STXBP5L: variants seen among roughly 807,000 people sequenced by gnomAD.
The protein encoded by STXBP5L is syntaxin binding protein 5L, also known as syntaxin-binding protein 5-like.
In STXBP5L, 65 loss-of-function variants were observed where a neutral mutation model predicts 144.5. That is an observed-to-expected ratio of 0.45 (90% confidence interval 0.37 to 0.55). STXBP5L has a LOEUF of 0.55. STXBP5L is among the 20% of genes least tolerant of loss of function. The pLI, the probability that STXBP5L is intolerant of heterozygous loss-of-function variation, is 0.00. For missense variants in STXBP5L, 1,298 were observed against 1,405.5 expected, an observed-to-expected ratio of 0.92 and a Z score of 1.22; for synonymous variants, 505 against 469.6, an observed-to-expected ratio of 1.08 and a Z score of -0.97.
At chr3:121,087,713 T>C (rs111976036) in intron 5 of STXBP5L, among the ~76,000 whole-genome samples, 2 of 152,058 alleles carry the variant, frequency 1.3e-5, no homozygotes, top group African/African-American at 4.8e-5. Flanking sequence ...TTTTTTGTTT[T>C]TTGGTTGTTC....
chr3:121,128,409 T>C (rs1442292604), intron 7 of STXBP5L, among the ~76,000 whole-genome samples: 1 of 152,098 alleles, frequency 6.6e-6, no homozygotes, highest in Non-Finnish European at 1.5e-5. Context: ...CAACTCACCT[T>C]TTGACTGTGT....
At chr3:120,977,739 G>A (rs1278248200) in intron 3 of STXBP5L, among the ~76,000 whole-genome samples, 1 of 152,098 alleles carries the variant, frequency 6.6e-6, no homozygotes, top group Non-Finnish European at 1.5e-5. Flanking sequence ...GGGCAGGCCT[G>A]GTGGTGACAA....
chr3:120,957,085 C>T (rs1269582343), intron 3 of STXBP5L, among the ~76,000 whole-genome samples: 1 of 151,880 alleles, frequency 6.6e-6, no homozygotes, highest in Non-Finnish European at 1.5e-5. Context: ...ACTGTCTTAT[C>T]CATTGAATGG....
At chr3:120,935,340 C>G (rs1380669343) in intron 2 of STXBP5L, among the ~76,000 whole-genome samples, 1 of 151,280 alleles carries the variant, frequency 6.6e-6, no homozygotes, top group Non-Finnish European at 1.5e-5. Context: ...TTTACTTATC[C>G]ATAGGTTATA....
At position 121,157,716 on chromosome 3, in the gene STXBP5L, A is replaced by G. The variant is rs923357951; in HGVS notation, c.877+89A>G. 4.0e-5 allele frequency: 61 copies of G among 1,509,342 alleles called. No individual in the cohort carries two copies. In the African/African-American group the frequency reaches 8.0e-4, roughly 20 times the overall value. 93.5% of individuals were successfully genotyped at this position (1,509,342 alleles called of 1,614,324 possible). On this transcript the variant is annotated intron_variant, in intron 9 of 26. Transcript: ENST00000471454. ...GAGATGGTATTAATGCGTTTGGTAGAAAAAAGTAATAGGACATAGCTTCTG... is the reference window on the plus strand; with the variant it reads ...GAGATGGTATTAATGCGTTTGGTAGGAAAAAGTAATAGGACATAGCTTCTG...
chr3:121,213,213 G>T (rs531865520), intron 10 of STXBP5L, among the ~76,000 whole-genome samples: 2 of 152,142 alleles, frequency 1.3e-5, no homozygotes, highest in South Asian at 4.2e-4. Context: ...TCTTTCTCTT[G>T]CCTGATTGCC....
At chr3:121,352,784 T>A (rs1390549793) in intron 20 of STXBP5L, among the ~76,000 whole-genome samples, 3 of 152,074 alleles carry the variant, frequency 2.0e-5, no homozygotes, top group African/African-American at 7.2e-5. Flanking sequence ...ATGCTTCCAA[T>A]TTTTGCTCAT....
chr3:121,133,514 G>T (rs1328215269), intron 7 of STXBP5L, among the ~76,000 whole-genome samples: 1 of 152,106 alleles, frequency 6.6e-6, no homozygotes, highest in African/African-American at 2.4e-5. Context: ...TGTCCATCAA[G>T]AATAGTATAT....
chr3:121,332,205 AC>A (rs2044342097), intron 20 of STXBP5L, among the ~76,000 whole-genome samples: 1 of 151,982 alleles, frequency 6.6e-6, no homozygotes. Context: ...ATACTGTAGT[AC>A]CCCCAAAAGA....
Position 121,418,432 on chromosome 3 carries a change from G to T in STXBP5L, c.3322G>T (p.Val1108Leu). ...IEGMKGAAGG[V>L]MGELTRARIA... ...AGGGATGAAAGGCGCTGCTGGAGGG[G>T]TGATGGGAGAGCTGACCCGTGCACG... is the stretch of plus-strand genomic sequence containing the variant. Residue 1108 changes from valine to leucine, a missense_variant, in exon 26 of 27, where the codon GTG (valine) becomes TTG (leucine). Coordinates refer to ENST00000471454, the MANE Select transcript of STXBP5L (RefSeq NM_001308330.2). 1.9e-6 allele frequency: 3 copies of T among 1,614,102 alleles called. No individual in the cohort carries two copies. The highest frequency in any genetic ancestry group is 1.7e-6 in the Non-Finnish European group (2 of 1,179,982).
intron 2 of STXBP5L, among the ~76,000 whole-genome samples, chr3:120,949,191 A>AT (rs1711042266): frequency 6.6e-6 from 1 of 151,756 alleles, no homozygotes; most frequent in Non-Finnish European, 1.5e-5. Flanking sequence ...TTTGTTGACC[A>AT]TTTGTGTATC....
intron 22 of STXBP5L, among the ~76,000 whole-genome samples, chr3:121,402,416 A>G (rs560919614): frequency 6.6e-6 from 1 of 152,282 alleles, no homozygotes; most frequent in South Asian, 2.1e-4. Flanking sequence ...CCTCACTGGA[A>G]CCTTAATCTA....
intron 9 of STXBP5L, among the ~76,000 whole-genome samples, chr3:121,199,694 G>C (rs1440098750): frequency 2.0e-5 from 3 of 152,142 alleles, no homozygotes; most frequent in Admixed American, 6.5e-5. Flanking sequence ...ATCATGAAAG[G>C]ATGTTGAATT....
At chr3:121,005,255 C>A (rs1232146410) in intron 3 of STXBP5L, among the ~76,000 whole-genome samples, 1 of 152,114 alleles carries the variant, frequency 6.6e-6, no homozygotes, top group African/African-American at 2.4e-5. Flanking sequence ...TTCAGATATT[C>A]AACTTCTTCC....
intron 20 of STXBP5L, among the ~76,000 whole-genome samples, chr3:121,318,745 AAGATCAG>A (rs1294287404): frequency 2.0e-5 from 3 of 152,206 alleles, no homozygotes; most frequent in African/African-American, 7.2e-5. Flanking sequence ...AAATAAAATT[AAGATCAG>A]AGGTAAAAGT....
chr3:121,007,246 A>G (rs1257578517), intron 3 of STXBP5L, among the ~76,000 whole-genome samples: 1 of 152,090 alleles, frequency 6.6e-6, no homozygotes, highest in Non-Finnish European at 1.5e-5. Context: ...CCCCTTGATT[A>G]TGATACATTA....
chr3:121,390,947 A>T lies in STXBP5L; in HGVS notation c.2587+9415A>T, dbSNP rs143701002. Among the ~76,000 whole-genome samples, 1,409 of 152,084 alleles carry T rather than the reference A, an allele frequency of 9.3e-3. 11 individuals carry two copies. The highest frequency in any genetic ancestry group is 0.013 in the Non-Finnish European group (902 of 68,000). On this transcript the variant is annotated intron_variant, in intron 22 of 26. Coordinates refer to ENST00000471454, the MANE Select transcript of STXBP5L (RefSeq NM_001308330.2). ...GTTGGCCTGCCTTGCTAAGTTGGGG[A>T]AGTTCTCCTGGATAATACCCTGAAG...
intron 14 of STXBP5L, among the ~76,000 whole-genome samples, chr3:121,249,417 G>A (rs1423172378): frequency 6.6e-6 from 1 of 151,948 alleles, no homozygotes; most frequent in African/African-American, 2.4e-5. Flanking sequence ...TACAGATCTG[G>A]CACAAATTGT....
At chr3:121,376,572 G>A (rs1395244125) in intron 20 of STXBP5L, among the ~76,000 whole-genome samples, 1 of 152,158 alleles carries the variant, frequency 6.6e-6, no homozygotes. Context: ...TGAGGCCTCT[G>A]TTGTGTTCCA....
Sources: gnomAD v4.1 joint callset for allele counts (sites outside exome capture counted in the v4.1 genomes callset) on GRCh38, gnomAD v4.1.1 for gene constraint, MANE v1.5 for transcripts, NCBI Gene and HGNC (gene_info 2026-07-23, HGNC 2026-07-21) for gene names.